The following EPS15L1 variants were observed in gnomAD, a reference collection of about 807,000 sequenced individuals.
EPS15L1 encodes epidermal growth factor receptor pathway substrate 15 like 1, also known as epidermal growth factor receptor substrate 15-like 1.
A neutral mutation model predicts 117.1 loss-of-function variants in EPS15L1; 43 were observed. The observed-to-expected ratio is 0.37, with a 90% CI of 0.29 to 0.47. EPS15L1 has a LOEUF of 0.47. Among genes scored for constraint, EPS15L1 ranks in the 20% least tolerant of loss-of-function variants. EPS15L1 has a pLI of 0.99. For synonymous variants in EPS15L1, 459 were observed against 470.5 expected (o/e 0.98, Z 0.32); for missense variants, 981 against 1,164.0 (o/e 0.84, Z 2.29).
intron 7 of EPS15L1, among the ~76,000 whole-genome samples, chr19:16,433,927 C>T (rs1301902023): frequency 6.6e-6 from 1 of 152,020 alleles, no homozygotes; most frequent in Non-Finnish European, 1.5e-5. Context: ...CGTGCCACTG[C>T]ACTCCAGCCT....
At chr19:16,456,684 C>CA (rs911101462) in intron 1 of EPS15L1, among the ~76,000 whole-genome samples, 9 of 150,868 alleles carry the variant, frequency 6.0e-5, no homozygotes, top group African/African-American at 2.2e-4. Flanking sequence ...ACAAAACAAA[C>CA]AAAAAATAGA....
At chr19:16,356,301 TTTTC>T (rs1371112950) in intron 23 of EPS15L1, 2 of 162,342 alleles carry the variant, frequency 1.2e-5, no homozygotes, top group African/African-American at 4.8e-5. Context: ...CTGAGGGTCA[TTTTC>T]TTTTTCTTTT....
intron 9 of EPS15L1, among the ~76,000 whole-genome samples, chr19:16,421,739 C>T (rs1483305024): frequency 6.6e-6 from 1 of 152,178 alleles, no homozygotes; most frequent in Non-Finnish European, 1.5e-5. Flanking sequence ...TCTCCTTGTC[C>T]ATCCACCCTG....
intron 9 of EPS15L1, among the ~76,000 whole-genome samples, chr19:16,422,803 G>A (rs1033385897): frequency 5.3e-5 from 8 of 151,948 alleles, no homozygotes; most frequent in African/African-American, 1.4e-4. Context: ...CTAAAAACAC[G>A]AAAAATTAGC....
At chr19:16,452,075 G>A (rs1199549376) in intron 1 of EPS15L1, among the ~76,000 whole-genome samples, 1 of 151,330 alleles carries the variant, frequency 6.6e-6, no homozygotes, top group Non-Finnish European at 1.5e-5. Context: ...GGAGGCGTAG[G>A]TTGCAGTGAG....
chr19:16,366,271 G>C (rs1406204393), intron 22 of EPS15L1, among the ~76,000 whole-genome samples: 1 of 152,118 alleles, frequency 6.6e-6, no homozygotes, highest in Non-Finnish European at 1.5e-5. Context: ...GAGGTGTAAA[G>C]GGAGGACGCC....
At chr19:16,428,124 C>T (rs1391213087) in intron 8 of EPS15L1, among the ~76,000 whole-genome samples, 1 of 150,924 alleles carries the variant, frequency 6.6e-6, no homozygotes, top group Non-Finnish European at 1.5e-5. Context: ...CTGCTTGAAC[C>T]TGGGAGGCGG....
intron 1 of EPS15L1, among the ~76,000 whole-genome samples, chr19:16,448,681 T>A (rs1482886008): frequency 1.3e-5 from 2 of 150,558 alleles, no homozygotes; most frequent in African/African-American, 2.4e-5. Flanking sequence ...TACAAAAAAA[T>A]TAGCTGGGTG....
In EPS15L1 at chr19:16,437,625, A is replaced by G. The variant is rs2092990852; in HGVS notation, c.309+145T>C. The G allele has an allele frequency of 6.3e-6, 4 of 630,792 alleles. No homozygotes were observed. The South Asian group carries it at 7.9e-5, about 12-fold the overall frequency. 39.1% of individuals were successfully genotyped at this position (630,792 alleles called of 1,614,324 possible). On this transcript the variant is annotated intron_variant, in intron 5 of 23. Transcript: ENST00000455140. Reference sequence around the variant, plus strand: ...TAAATAGTTCACTTTAAAATTATTAATTTTCTATTATGTGAATTTCACCAC... The same window carrying G: ...TAAATAGTTCACTTTAAAATTATTAGTTTTCTATTATGTGAATTTCACCAC...
chr19:16,423,329 G>A (rs2092836359), intron 9 of EPS15L1, among the ~76,000 whole-genome samples: 3 of 152,170 alleles, frequency 2.0e-5, no homozygotes, highest in Non-Finnish European at 4.4e-5. Context: ...ACTTTGGGAG[G>A]CCAAGGCAGG....
intron 9 of EPS15L1, among the ~76,000 whole-genome samples, chr19:16,423,185 T>C (rs1037717260): frequency 1.3e-5 from 2 of 152,180 alleles, no homozygotes; most frequent in Non-Finnish European, 1.5e-5. Context: ...GGATACCATG[T>C]GACCCAGATC....
chr19:16,451,689 C>T (rs879366400), intron 1 of EPS15L1, among the ~76,000 whole-genome samples: 3 of 151,640 alleles, frequency 2.0e-5, no homozygotes, highest in Non-Finnish European at 2.9e-5. Context: ...CCACCTCACT[C>T]GTCTAATTTT....
At chr19:16,358,790 G>A (rs146956820) in intron 23 of EPS15L1, among the ~76,000 whole-genome samples, 47 of 152,296 alleles carry the variant, frequency 3.1e-4, no homozygotes, top group African/African-American at 9.9e-4. Flanking sequence ...TTCATTTACC[G>A]ACAATGAAAT....
intron 19 of EPS15L1, among the ~76,000 whole-genome samples, chr19:16,388,217 A>G (rs1466870122): frequency 6.6e-6 from 1 of 151,996 alleles, no homozygotes; most frequent in African/African-American, 2.4e-5. Flanking sequence ...TAATTTTTGT[A>G]TTAGTAGAGA....
In EPS15L1 at chr19:16,431,922, C is replaced by G. The variant is rs893107412; in HGVS notation, c.498+2443G>C. On this transcript the variant is annotated intron_variant, in intron 7 of 23. Transcript: ENST00000455140. ...GTTGAACTGTGCAAGCTCACTTATG[C>G]TTGTATTTTTCTAACCAAACGTGGA... Among the ~76,000 whole-genome samples, 6 of 152,208 alleles carry G rather than the reference C, an allele frequency of 3.9e-5. No homozygotes were observed. In the South Asian group the frequency reaches 1.2e-3, roughly 31 times the overall value.
chr19:16,418,362 AC>A lies in EPS15L1; in HGVS notation c.951-259del, dbSNP rs563399734. Among the ~76,000 whole-genome samples, 6 of 151,846 alleles carry A rather than the reference AC, an allele frequency of 4.0e-5. No individual in the cohort carries two copies. The East Asian group carries it at 9.7e-4, about 25-fold the overall frequency. ...GCCCCTGACCTGGGCTGAGGAGCCG[AC>A]CCCCTGGGAAAACCTCACTAGGGCT... On this transcript the variant is annotated intron_variant, in intron 10 of 23. Coordinates refer to ENST00000455140, the MANE Select transcript of EPS15L1 (RefSeq NM_001258374.3).
chr19:16,445,288 G>A (rs998699131), intron 1 of EPS15L1, among the ~76,000 whole-genome samples: 1 of 152,152 alleles, frequency 6.6e-6, no homozygotes, highest in Non-Finnish European at 1.5e-5. Context: ...AACACTTGAT[G>A]ACCACCGGAT....
At chr19:16,464,169 A>G (rs1345312305) in intron 1 of EPS15L1, among the ~76,000 whole-genome samples, 1 of 152,228 alleles carries the variant, frequency 6.6e-6, no homozygotes, top group Non-Finnish European at 1.5e-5. Context: ...ATTCCACACC[A>G]CAGGCAGTGC....
At chr19:16,360,522 G>A (rs954729582) in intron 23 of EPS15L1, among the ~76,000 whole-genome samples, 24 of 151,864 alleles carry the variant, frequency 1.6e-4, no homozygotes, top group Admixed American at 5.9e-4. Context: ...TGGGAGGATC[G>A]CTTGAGGCCA....
Sources: gnomAD v4.1 joint callset for allele counts (sites outside exome capture counted in the v4.1 genomes callset) on GRCh38, gnomAD v4.1.1 for gene constraint, MANE v1.5 for transcripts, NCBI Gene and HGNC (gene_info 2026-07-23, HGNC 2026-07-21) for gene names.